Variants in PLEKHG4B observed in about 807,000 individuals in gnomAD.
The protein encoded by PLEKHG4B is pleckstrin homology domain-containing family G member 4B.
Under a neutral mutation model 121.3 loss-of-function variants are expected in PLEKHG4B, and 111 were observed. The observed-to-expected ratio is 0.92, with a 90% confidence interval of 0.78 to 1.07. The LOEUF is 1.07. PLEKHG4B is among the 50% of genes least tolerant of loss of function. The pLI is 0.00. For synonymous variants in PLEKHG4B, 738 were observed against 725.0 expected (o/e 1.02, Z -0.29); for missense variants, 1,831 against 1,757.8 (o/e 1.04, Z -0.74).
intron 18 of PLEKHG4B, among the ~76,000 whole-genome samples, chr5:177,735 G>T (rs1233594140): frequency 2.0e-5 from 3 of 152,214 alleles, no homozygotes; most frequent in Non-Finnish European, 4.4e-5. Flanking sequence ...ATTTATCCTT[G>T]ATCCTAAGAC....
intron 1 of PLEKHG4B, among the ~76,000 whole-genome samples, chr5:98,424 G>GATTTTTTTTTTTTTTTT (rs1560891752): frequency 1.2e-5 from 1 of 80,870 alleles, no homozygotes; most frequent in Non-Finnish European, 2.4e-5. Context: ...GTTTACTGTA[G>GATTTTTTTTTTTTTTTT]CTTTTTTTTT....
rs749218463 is a variant in PLEKHG4B, at chr5:161,909, G to A, written c.2614G>A (p.Ala872Thr). 3 of 1,613,228 alleles carry A rather than the reference G, an allele frequency of 1.9e-6. No individual in the cohort carries two copies. Among genetic ancestry groups the A allele is most frequent in the South Asian group, 1.1e-5 (1 of 91,078 alleles). Residue 872 changes from alanine to threonine, a missense_variant, in exon 12 of 20, where the codon GCC becomes ACC. Transcript: ENST00000637938. ...GGCTGAGTGCAGGGAGGGAGAGCTG[G>A]CCAGGTGGACCCGCTCGTCCGAGTT... is the stretch of plus-strand genomic sequence containing the variant. ...SQAECREGEL[A>T]RWTRSSELCE...
At chr5:93,323 C>A (rs1185667748) in intron 1 of PLEKHG4B, among the ~76,000 whole-genome samples, 1 of 151,964 alleles carries the variant, frequency 6.6e-6, no homozygotes, top group East Asian at 1.9e-4. Context: ...TTTCAATTTC[C>A]CTGAGCCTGC....
intron 18 of PLEKHG4B, among the ~76,000 whole-genome samples, chr5:174,716 C>T (rs541843674): frequency 5.3e-5 from 8 of 152,148 alleles, no homozygotes; most frequent in Non-Finnish European, 8.8e-5. Flanking sequence ...CTGCAGTCAG[C>T]GTTTCTTTTT....
chr5:136,236 G>A (rs944514914), intron 2 of PLEKHG4B, among the ~76,000 whole-genome samples: 1 of 152,094 alleles, frequency 6.6e-6, no homozygotes, highest in Non-Finnish European at 1.5e-5. Context: ...AAACATAGAC[G>A]AAAAGCTTCA....
At chr5:170,982 G>A in intron 14 of PLEKHG4B, 61 bp from the exon 15 acceptor site, 3 of 1,411,392 alleles carry the variant, frequency 2.1e-6, no homozygotes, top group Non-Finnish European at 2.9e-6. Flanking sequence ...CCGGGCTGCG[G>A]GAGCCTGCTG....
rs1477888323 is a variant in PLEKHG4B, at chr5:149,853, A to G, written c.1906-1660A>G. Among the ~76,000 whole-genome samples the G allele has an allele frequency of 4.6e-5, 7 of 152,230 alleles. 1 individual carries two copies. Among genetic ancestry groups the G allele is most frequent in the Non-Finnish European group, 1.0e-4 (7 of 68,036 alleles). ...CACTTCCCCATCCATTAGGGTGGCT[A>G]TTGTAAAAAAACAACAAGTGTTGGC... On this transcript the variant is annotated intron_variant, in intron 6 of 19. Coordinates refer to ENST00000637938, the MANE Select transcript of PLEKHG4B (RefSeq NM_052909.5).
At position 176,094 on chromosome 5, in the gene PLEKHG4B, CA is replaced by C. The variant is rs1426233226; in HGVS notation, c.4402+1997del. 5.1e-5 allele frequency among the ~76,000 whole-genome samples: 6 copies of C among 118,774 alleles called. 1 individual carries two copies. Among genetic ancestry groups the C allele is most frequent in the African/African-American group, 1.6e-4 (6 of 38,338 alleles). The allele number at this position is 118,774 out of a possible 152,430, so 77.9% of individuals were successfully genotyped here. Reference sequence around the variant, plus strand: ...ACTCCGGAGCCAGCTCTGTCAGACACAGGGGGCCCCATGGCGTCGCCACAGG... The same window carrying C: ...ACTCCGGAGCCAGCTCTGTCAGACACGGGGGCCCCATGGCGTCGCCACAGG... On this transcript the variant is annotated intron_variant, in intron 18 of 19. Transcript: ENST00000637938.
At chr5:131,823 G>A (rs1051094693) in intron 2 of PLEKHG4B, among the ~76,000 whole-genome samples, 2 of 152,138 alleles carry the variant, frequency 1.3e-5, no homozygotes, top group East Asian at 3.9e-4. Context: ...GTGTGAGATG[G>A]TATCTCATTG....
At position 144,887 on chromosome 5, in the gene PLEKHG4B, C is replaced by G. The variant is rs765949040; in HGVS notation, c.1872C>G (p.Ala624=). 1.2e-5 allele frequency: 19 copies of G among 1,613,266 alleles called. No homozygotes were observed. Among genetic ancestry groups the G allele is most frequent in the Non-Finnish European group, 1.6e-5 (19 of 1,179,982 alleles). ...VLVDARRSPA[A]PAVSQALSGL... ...TGGATGCACGCAGGAGTCCAGCTGC[C>G]CCTGCCGTCTCCCAGGCCCTCTCAG... The change falls in exon 6 of 20, where the codon GCC becomes GCG. Residue 624 remains alanine, a synonymous_variant. Transcript: ENST00000637938.
chr5:161,386 T>C (rs1173049788), intron 11 of PLEKHG4B, among the ~76,000 whole-genome samples: 1 of 152,246 alleles, frequency 6.6e-6, no homozygotes, highest in African/African-American at 2.4e-5. Context: ...TGAAAATAGT[T>C]TGGAGCTTGA....
chr5:181,263 C>T (rs1047241457), intron 18 of PLEKHG4B, among the ~76,000 whole-genome samples: 9 of 152,158 alleles, frequency 5.9e-5, no homozygotes, highest in Admixed American at 6.5e-5. Context: ...TTGGACACGC[C>T]GTTTCCAAGG....
chr5:146,051 C>T (rs1735398107), intron 6 of PLEKHG4B, among the ~76,000 whole-genome samples: 2 of 151,544 alleles, frequency 1.3e-5, no homozygotes, highest in Non-Finnish European at 2.9e-5. Flanking sequence ...GTCCTCCCTC[C>T]TCTCCCCCTC....
chr5:118,954 G>A (rs759270616), intron 2 of PLEKHG4B, among the ~76,000 whole-genome samples: 6 of 151,706 alleles, frequency 4.0e-5, no homozygotes, highest in Non-Finnish European at 7.4e-5. Context: ...GGGCTCAAGC[G>A]ATCCTCCCAC....
Position 143,043 on chromosome 5 carries a change from C to G in PLEKHG4B, c.1478-4C>G. On this transcript the variant is annotated splice_polypyrimidine_tract_variant and splice_region_variant and intron_variant, in intron 3 of 19. Transcript: ENST00000637938. ...CTTTGACACGGCCTCTTTCCTTTGT[C>G]CAGACGTTCTTGCATCCTCAGCCTG... is the stretch of plus-strand genomic sequence containing the variant. The G allele has an allele frequency of 1.9e-6, 3 of 1,613,008 alleles. No individual in the cohort carries two copies. The highest frequency in any genetic ancestry group is 2.5e-6 in the Non-Finnish European group (3 of 1,179,636).
chr5:155,298 T>A (rs758852900), intron 8 of PLEKHG4B, 47 bp from the exon 9 acceptor site: 1 of 1,514,232 alleles, frequency 6.6e-7, no homozygotes, highest in South Asian at 1.1e-5. Context: ...ACTTTAGCAT[T>A]TAACAGACTG....
rs111704367 is a variant in PLEKHG4B at position 154,012 on chromosome 5, AT to A, written c.1993-853del. Among the ~76,000 whole-genome samples the A allele has an allele frequency of 5.7e-5, 8 of 141,246 alleles. No homozygotes were observed. The South Asian group carries it at 7.0e-4, about 12-fold the overall frequency. The allele number at this position is 141,246 out of a possible 152,430, so 92.7% of individuals were successfully genotyped here. A position where few individuals can be genotyped will look rare whatever the true frequency, so the allele number is the denominator to read the frequency against. ...GCCAGATGCCCCTCTCGTTTCCTTT[AT>A]TTTTTTTTTGAGACAGAGTCTCGTT... is the stretch of plus-strand genomic sequence containing the variant. On this transcript the variant is annotated intron_variant, in intron 7 of 19. Transcript: ENST00000637938.
chr5:123,360 C>G (rs746905100), intron 2 of PLEKHG4B, among the ~76,000 whole-genome samples: 7 of 152,056 alleles, frequency 4.6e-5, no homozygotes, highest in Non-Finnish European at 8.8e-5. Context: ...CTATATTTTT[C>G]TTTTGTCTGA....
intron 2 of PLEKHG4B, among the ~76,000 whole-genome samples, chr5:128,088 G>A (rs991849104): frequency 2.0e-5 from 3 of 152,140 alleles, no homozygotes; most frequent in African/African-American, 7.2e-5. Flanking sequence ...TGCCCTTAGG[G>A]ACAATAGATG....
Sources: allele counts gnomAD v4.1 joint callset (sites outside exome capture counted in the v4.1 genomes callset), GRCh38; gene constraint gnomAD v4.1.1; transcripts MANE v1.5; gene names NCBI Gene and HGNC (gene_info 2026-07-23, HGNC 2026-07-21).